TRIP4: variants seen among roughly 807,000 people sequenced by gnomAD.
TRIP4 encodes activating signal cointegrator 1.
In TRIP4, 54 loss-of-function variants were observed where a neutral mutation model predicts 81.8. The observed-to-expected ratio is 0.66, with a 90% CI of 0.53 to 0.83. TRIP4 has a LOEUF of 0.83. Ranked by LOEUF, TRIP4 falls within the 40% of genes least tolerant of loss-of-function variation. The probability of loss-of-function intolerance (pLI) is 0.00; values close to 1 mark genes in which losing one functional copy is unlikely to be tolerated. For synonymous variants in TRIP4, 270 were observed against 242.8 expected (o/e 1.11, Z -1.04); for missense variants, 662 against 683.6 (o/e 0.97, Z 0.35).
rs1027452267 is a variant in TRIP4 at position 64,417,157 on chromosome 15, C to T, written c.1171-1384C>T. 4.6e-5 allele frequency among the ~76,000 whole-genome samples: 7 copies of T among 152,120 alleles called. 1 individual carries two copies. The highest frequency in any genetic ancestry group is 1.3e-4 in the Admixed American group (2 of 15,256). On this transcript the variant is annotated intron_variant, in intron 8 of 12. Transcript: ENST00000261884. ...CAAGTGGCTCAGACTACAGTAGCCACGTGCCATCATACCTTACTAATTTGT... is the reference window on the plus strand; with the variant it reads ...CAAGTGGCTCAGACTACAGTAGCCATGTGCCATCATACCTTACTAATTTGT...
intron 12 of TRIP4, among the ~76,000 whole-genome samples, chr15:64,447,979 G>A (rs1942787507): frequency 1.3e-5 from 2 of 152,168 alleles, no homozygotes; most frequent in African/African-American, 4.8e-5. Flanking sequence ...GATTACAGGT[G>A]TGAGCCACCA....
chr15:64,405,295 CAGGTGCCT>C (rs1891599754), intron 5 of TRIP4, among the ~76,000 whole-genome samples: 3 of 152,028 alleles, frequency 2.0e-5, no homozygotes, highest in Admixed American at 2.0e-4. Flanking sequence ...GCTGGGACTA[CAGGTGCCT>C]GCCACCATGC....
chr15:64,408,163 G>GTTTT (rs10641751), intron 6 of TRIP4, among the ~76,000 whole-genome samples: 1 of 132,662 alleles, frequency 7.5e-6, no homozygotes, highest in Non-Finnish European at 1.5e-5. Context: ...CTTTATTTTT[G>GTTTT]TTTTTTTTTT....
At chr15:64,420,421 G>A (rs1224245404) in intron 9 of TRIP4, among the ~76,000 whole-genome samples, 1 of 151,784 alleles carries the variant, frequency 6.6e-6, no homozygotes, top group African/African-American at 2.4e-5. Context: ...GCGCCCGGCT[G>A]TTTCTATTTT....
chr15:64,394,359 A>G (rs1900225457), intron 2 of TRIP4, among the ~76,000 whole-genome samples: 1 of 152,146 alleles, frequency 6.6e-6, no homozygotes, highest in African/African-American at 2.4e-5. Context: ...TAATCCCAGC[A>G]CTTTGGGAGG....
Position 64,455,005 on chromosome 15 carries a change from G to T in TRIP4, c.1687G>T (p.Asp563Tyr). ...IKGNPKIWKL[D>Y]SKIHQGAKKG... ...ATTTTTCTCCCTTACAGGGAAATTG[G>T]ATTCCAAGATCCATCAAGGAGCAAA... Residue 563 changes from aspartate (D) to tyrosine (Y), a missense_variant, in exon 13 of 13, where the codon GAT (aspartate) becomes TAT (tyrosine). Asp to Tyr is a radical substitution (Grantham distance 160). Transcript: ENST00000261884. The T allele has an allele frequency of 6.2e-7, 1 of 1,613,960 alleles. No individual in the cohort carries two copies. Among genetic ancestry groups the T allele is most frequent in the Non-Finnish European group, 8.5e-7 (1 of 1,179,922 alleles).
At position 64,409,846 on chromosome 15, in the gene TRIP4, G is replaced by A. The variant is rs902553845; in HGVS notation, c.1043+18G>A. 1.2e-6 allele frequency: 2 copies of A among 1,606,168 alleles called. No individual in the cohort carries two copies. Among genetic ancestry groups the A allele is most frequent in the Non-Finnish European group, 1.7e-6 (2 of 1,173,562 alleles). On this transcript the variant is annotated intron_variant, in intron 7 of 12. Transcript: ENST00000261884. ...CATAGCAGGTAAGTGAGCAGCACTA[G>A]AAAGGGTCTCAAAGAAGGAACAGGT...
At chr15:64,399,241 C>CGTGCCTG (rs1305595485) in intron 4 of TRIP4, among the ~76,000 whole-genome samples, 1 of 151,526 alleles carries the variant, frequency 6.6e-6, no homozygotes, top group African/African-American at 2.4e-5. Context: ...TGTGAGCCAC[C>CGTGCCTG]GTGCCTGGTG....
chr15:64,410,377 A>G (rs1436801948), intron 7 of TRIP4, among the ~76,000 whole-genome samples: 2 of 152,202 alleles, frequency 1.3e-5, no homozygotes, highest in African/African-American at 2.4e-5. Flanking sequence ...AAATAGATCA[A>G]TGAAACAGAA....
At chr15:64,405,057 T>C (rs1461599043) in intron 5 of TRIP4, among the ~76,000 whole-genome samples, 1 of 152,080 alleles carries the variant, frequency 6.6e-6, no homozygotes, top group Non-Finnish European at 1.5e-5. Context: ...AAATTTACAA[T>C]ATGCTGTCAA....
chr15:64,399,033 T>G (rs1450450342), intron 4 of TRIP4, among the ~76,000 whole-genome samples: 1 of 139,046 alleles, frequency 7.2e-6, no homozygotes, highest in African/African-American at 2.8e-5. Context: ...CACTGCAACC[T>G]CTGCCTCCTG....
intron 12 of TRIP4, among the ~76,000 whole-genome samples, chr15:64,448,613 G>A (rs116594625): frequency 1.7e-3 from 266 of 152,146 alleles, no homozygotes; most frequent in African/African-American, 6.1e-3. Flanking sequence ...ACAGGCACGC[G>A]CCTCCATGCT....
intron 9 of TRIP4, among the ~76,000 whole-genome samples, chr15:64,421,671 A>G (rs1566978979): frequency 6.6e-6 from 1 of 152,136 alleles, no homozygotes; most frequent in South Asian, 2.1e-4. Flanking sequence ...ATGTATTTAC[A>G]TACGCAAATA....
rs140406443 is a variant in TRIP4, at chr15:64,392,046, G to A, written c.102-1900G>A. ...TTCCAGCACTTTGGAAGGCTGAGGC[G>A]GGCAAATCACTTGAGGTCAGGACTT... On this transcript the variant is annotated intron_variant, in intron 1 of 12. Coordinates refer to ENST00000261884, the MANE Select transcript of TRIP4 (RefSeq NM_016213.5). 9.2e-4 allele frequency among the ~76,000 whole-genome samples: 139 copies of A among 151,004 alleles called. 1 individual carries two copies. The East Asian group carries it at 0.026, about 28-fold the overall frequency.
At chr15:64,423,441 A>G (rs992649823) in intron 9 of TRIP4, among the ~76,000 whole-genome samples, 2 of 126,082 alleles carry the variant, frequency 1.6e-5, no homozygotes, top group Non-Finnish European at 3.2e-5. Context: ...CCAGTCTGGC[A>G]ACAGAGCGAG....
intron 12 of TRIP4, among the ~76,000 whole-genome samples, chr15:64,447,910 C>T (rs966132222): frequency 6.6e-5 from 10 of 152,136 alleles, no homozygotes; most frequent in Non-Finnish European, 1.3e-4. Flanking sequence ...TGAGGTCTCA[C>T]TATGTTGCCC....
intron 9 of TRIP4, among the ~76,000 whole-genome samples, chr15:64,422,637 GA>G (rs1341413784): frequency 1.3e-5 from 2 of 152,196 alleles, no homozygotes; most frequent in Non-Finnish European, 2.9e-5. Context: ...TTCCAAAGTA[GA>G]AAACTAAACA....
intron 3 of TRIP4, among the ~76,000 whole-genome samples, chr15:64,396,675 C>T (rs1283470671): frequency 1.3e-5 from 2 of 152,212 alleles, no homozygotes; most frequent in Non-Finnish European, 2.9e-5. Context: ...TAAGTGAACA[C>T]ATCACAATTT....
At chr15:64,443,465 C>G (rs539194608) in intron 11 of TRIP4, among the ~76,000 whole-genome samples, 1 of 152,302 alleles carries the variant, frequency 6.6e-6, no homozygotes, top group East Asian at 1.9e-4. Flanking sequence ...TGCTGCTGCT[C>G]TGGTCTCTGT....
Sources: gnomAD v4.1 joint callset for allele counts (sites outside exome capture counted in the v4.1 genomes callset) on GRCh38, gnomAD v4.1.1 for gene constraint, MANE v1.5 for transcripts, NCBI Gene and HGNC (gene_info 2026-07-23, HGNC 2026-07-21) for gene names.